The following TIPIN variants were observed in gnomAD, a reference collection of about 807,000 sequenced individuals.
The protein encoded by TIPIN is TIMELESS-interacting protein.
Under a neutral mutation model 35.6 loss-of-function variants are expected in TIPIN, and 29 were observed. The observed-to-expected ratio is 0.82, with a 90% confidence interval of 0.61 to 1.11. The LOEUF is 1.11. TIPIN is among the 50% of genes most tolerant of loss of function. The pLI is 0.00. For synonymous variants in TIPIN, 102 were observed against 121.5 expected (o/e 0.84, Z 1.06); for missense variants, 296 against 345.4 (o/e 0.86, Z 1.13).
intron 1 of TIPIN, chr15:66,379,998 C>T (rs377495232): frequency 4.4e-4 from 137 of 313,624 alleles, no homozygotes; most frequent in Non-Finnish European, 6.1e-4. Flanking sequence ...TTCTTTCTTT[C>T]TTTCTTTTTT....
chr15:66,354,047 A>T (rs1433775078), intron 1 of TIPIN, among the ~76,000 whole-genome samples: 1 of 151,674 alleles, frequency 6.6e-6, no homozygotes, highest in Admixed American at 6.6e-5. Context: ...CTTTCTGGGC[A>T]CTCCTCCTGG....
At chr15:66,368,593 G>A (rs780759218) in intron 1 of TIPIN, among the ~76,000 whole-genome samples, 6 of 152,034 alleles carry the variant, frequency 3.9e-5, no homozygotes, top group Non-Finnish European at 8.8e-5. Flanking sequence ...AGATTTGCCA[G>A]TTTCTGTGTT....
chr15:66,356,523 A>T, intron 1 of TIPIN, 116 bp downstream of exon 1: 6 of 717,636 alleles, frequency 8.4e-6, no homozygotes, highest in Non-Finnish European at 1.0e-5. Flanking sequence ...CCTTCCTGCG[A>T]CAATTAGGCT....
At chr15:66,339,304 A>T (rs924350248) in intron 7 of TIPIN, among the ~76,000 whole-genome samples, 4 of 149,298 alleles carry the variant, frequency 2.7e-5, no homozygotes, top group African/African-American at 9.9e-5. Context: ...AGAGACGGGG[A>T]CTCACTATGT....
chr15:66,362,013 C>T (rs372530498), intron 1 of TIPIN, among the ~76,000 whole-genome samples: 11 of 146,674 alleles, frequency 7.5e-5, no homozygotes, highest in East Asian at 2.1e-4. Context: ...AGGCTGGGCG[C>T]GGTGGCTCTG....
At chr15:66,386,626 C>A (rs1404078623) in exon 1 of TIPIN, 2 of 171,232 alleles carry the variant, frequency 1.2e-5, no homozygotes, top group Non-Finnish European at 2.5e-5. Flanking sequence ...GGAGGCCGCG[C>A]GGCACCTGGC....
At chr15:66,373,102 A>G (rs2093283377) in intron 1 of TIPIN, among the ~76,000 whole-genome samples, 1 of 151,990 alleles carries the variant, frequency 6.6e-6, no homozygotes, top group South Asian at 2.1e-4. Context: ...GTGTAAGTAT[A>G]CTCTATGTTG....
intron 6 of TIPIN, among the ~76,000 whole-genome samples, chr15:66,345,329 G>A (rs1329422904): frequency 6.6e-6 from 1 of 152,088 alleles, no homozygotes; most frequent in Non-Finnish European, 1.5e-5. Context: ...TGTAATCCCG[G>A]CACGTTGGGA....
chr15:66,383,684 A>G, intron 1 of TIPIN: 1 of 666,540 alleles, frequency 1.5e-6, no homozygotes, highest in Non-Finnish European at 1.9e-6. Flanking sequence ...ATGCCTCTAT[A>G]TTAAAAAGTA....
chr15:66,364,287 T>C (rs1181168846), intron 1 of TIPIN, among the ~76,000 whole-genome samples: 2 of 145,632 alleles, frequency 1.4e-5, no homozygotes, highest in Non-Finnish European at 3.0e-5. Context: ...TGTCTCAGCC[T>C]CCCAAGGAGC....
intron 7 of TIPIN, among the ~76,000 whole-genome samples, chr15:66,339,337 C>G (rs1566970182): frequency 6.6e-6 from 1 of 151,046 alleles, no homozygotes; most frequent in Non-Finnish European, 1.5e-5. Flanking sequence ...TCTTGAACTC[C>G]CAGGCTCAAG....
upstream of TIPIN, among the ~76,000 whole-genome samples, chr15:66,357,925 C>T (rs1241790852): frequency 4.6e-5 from 7 of 151,604 alleles, no homozygotes; most frequent in East Asian, 3.9e-4. Context: ...CATTGCACTC[C>T]GGCCTGGGCG....
upstream of TIPIN, among the ~76,000 whole-genome samples, chr15:66,361,352 T>C (rs1319913582): frequency 1.3e-5 from 2 of 150,362 alleles, no homozygotes; most frequent in Non-Finnish European, 3.0e-5. Context: ...GCTTCCCGGG[T>C]TCACACCATT....
upstream of TIPIN, among the ~76,000 whole-genome samples, chr15:66,361,305 G>C (rs1009957493): frequency 6.8e-6 from 1 of 146,146 alleles, no homozygotes; most frequent in Non-Finnish European, 1.5e-5. Flanking sequence ...ACCCAGGCTA[G>C]AGTACAGTGG....
intron 7 of TIPIN, among the ~76,000 whole-genome samples, chr15:66,340,524 G>A (rs540253822): frequency 1.2e-3 from 178 of 151,990 alleles, no homozygotes; most frequent in South Asian, 3.7e-3. Flanking sequence ...AAAGGTAATA[G>A]TATATGGCAC....
intron 1 of TIPIN, among the ~76,000 whole-genome samples, chr15:66,365,221 C>T (rs1222168927): frequency 6.6e-6 from 1 of 152,064 alleles, no homozygotes; most frequent in Non-Finnish European, 1.5e-5. Flanking sequence ...AGCCAAAACC[C>T]ACCAAAATCA....
At chr15:66,348,334 A>G (rs2093141613) in intron 6 of TIPIN, 1 of 151,064 alleles carries the variant, frequency 6.6e-6, no homozygotes, top group Non-Finnish European at 1.5e-5. Context: ...TCCTTGTTCT[A>G]CTCTTTCCTC....
chr15:66,338,813 C>CAAAAAAAAAAAAAAAAAAA (rs35966273), intron 7 of TIPIN, among the ~76,000 whole-genome samples: 3 of 35,252 alleles, frequency 8.5e-5, no homozygotes, highest in Admixed American at 3.3e-4. Context: ...GACTCCGTCT[C>CAAAAAAAAAAAAAAAAAAA]AAAAAAAAAA....
At chr15:66,349,460 C>T in intron 4 of TIPIN, 23 bp from the exon 5 acceptor site, 1 of 1,606,148 alleles carries the variant, frequency 6.2e-7, no homozygotes. Context: ...AATAAAAATG[C>T]TAAACAGGAG....
Sources: gnomAD v4.1 joint callset for allele counts (sites outside exome capture counted in the v4.1 genomes callset) on GRCh38, gnomAD v4.1.1 for gene constraint, MANE v1.5 for transcripts, NCBI Gene and HGNC (gene_info 2026-07-23, HGNC 2026-07-21) for gene names.